FARP1: variants seen among roughly 807,000 people sequenced by gnomAD.
FARP1 encodes FERM, ARH/RhoGEF and pleckstrin domain protein 1.
In FARP1, 52 loss-of-function variants were observed where a neutral mutation model predicts 128.8. The observed-to-expected ratio is 0.40, with a 90% CI of 0.32 to 0.51. The LOEUF is 0.51. Ranked by LOEUF, FARP1 falls within the 20% of genes least tolerant of loss-of-function variation. The probability of loss-of-function intolerance (pLI) is 0.45; values close to 1 mark genes in which losing one functional copy is unlikely to be tolerated. For missense variants in FARP1, 1,333 were observed against 1,367.9 expected (o/e 0.97, Z 0.40); for synonymous variants, 580 against 551.8 (o/e 1.05, Z -0.72).
intron 1 of FARP1, among the ~76,000 whole-genome samples, chr13:98,188,744 C>T (rs56114728): frequency 0.16 from 25,096 of 152,152 alleles, 2,656 homozygotes; most frequent in Non-Finnish European, 0.23. Flanking sequence ...ACACCCCCTG[C>T]ACTCTGAAGG....
intron 2 of FARP1, among the ~76,000 whole-genome samples, chr13:98,277,146 A>ACACACACACACACACACACACACACACC (rs1230875597): frequency 7.1e-6 from 1 of 139,892 alleles, no homozygotes; most frequent in African/African-American, 2.7e-5. Context: ...ACACACACAC[A>ACACACACACACACACACACACACACACC]CACCCCATAT....
chr13:98,262,587 A>G (rs1478486267), intron 2 of FARP1, among the ~76,000 whole-genome samples: 1 of 152,226 alleles, frequency 6.6e-6, no homozygotes, highest in Non-Finnish European at 1.5e-5. Context: ...GAAACTGGTT[A>G]TTCCAGGCAT....
chr13:98,275,452 G>A (rs140741321), intron 2 of FARP1, among the ~76,000 whole-genome samples: 150 of 151,152 alleles, frequency 9.9e-4, no homozygotes, highest in Non-Finnish European at 1.6e-3. Context: ...GTTGAAGTTA[G>A]GTAATGATTT....
intron 2 of FARP1, among the ~76,000 whole-genome samples, chr13:98,306,178 A>G (rs1886146390): frequency 6.6e-6 from 1 of 152,354 alleles, no homozygotes; most frequent in Non-Finnish European, 1.5e-5. Flanking sequence ...TAATAACTGA[A>G]GTTTGCATTG....
intron 2 of FARP1, among the ~76,000 whole-genome samples, chr13:98,246,091 T>C (rs1469191161): frequency 2.3e-5 from 1 of 44,180 alleles, no homozygotes; most frequent in Non-Finnish European, 4.6e-5. Context: ...TAAATTCTTT[T>C]TTTTTTTTTT....
chr13:98,195,252 C>T (rs1879496645), intron 1 of FARP1, among the ~76,000 whole-genome samples: 2 of 152,202 alleles, frequency 1.3e-5, no homozygotes, highest in South Asian at 4.1e-4. Flanking sequence ...CAATTCCACT[C>T]CACTGTCCTT....
Position 98,446,163 on chromosome 13 carries a change from G to T in FARP1, c.2862G>T (p.Val954=), listed in dbSNP as rs141304303. Residue 954 remains valine, a synonymous_variant, in exon 25 of 27, where the codon GTG becomes GTT. Transcript: ENST00000319562. ...GCAACGGGTGGCAGAAGCTGTGGGT[G>T]GTGTTCACAAACTTCTGCCTGTTCT... ...KNSNGWQKLW[V]VFTNFCLFFY... 1 of 1,614,006 alleles carries T rather than the reference G, an allele frequency of 6.2e-7. No homozygotes were observed.
At chr13:98,225,091 A>G (rs1369325409) in intron 2 of FARP1, among the ~76,000 whole-genome samples, 1 of 152,230 alleles carries the variant, frequency 6.6e-6, no homozygotes, top group Non-Finnish European at 1.5e-5. Flanking sequence ...TGCTTTGTGT[A>G]GTAGTCACAG....
chr13:98,249,261 A>G (rs955247140), intron 2 of FARP1, among the ~76,000 whole-genome samples: 1 of 152,130 alleles, frequency 6.6e-6, no homozygotes, highest in Non-Finnish European at 1.5e-5. Context: ...ATCTTTTGTG[A>G]TGCTTTAATT....
intron 18 of FARP1, chr13:98,434,036 C>T (rs1383514641): frequency 6.6e-6 from 1 of 152,362 alleles, no homozygotes; most frequent in East Asian, 1.9e-4. Context: ...CATCCAGTTC[C>T]ACTCTGCTAT....
intron 2 of FARP1, among the ~76,000 whole-genome samples, chr13:98,331,207 G>T (rs1430576057): frequency 6.6e-6 from 1 of 152,182 alleles, no homozygotes; most frequent in Non-Finnish European, 1.5e-5. Context: ...CTTCTAGACT[G>T]TCAGCATTGT....
chr13:98,294,220 G>A (rs531918976), intron 2 of FARP1, among the ~76,000 whole-genome samples: 1 of 152,254 alleles, frequency 6.6e-6, no homozygotes, highest in African/African-American at 2.4e-5. Flanking sequence ...ACAGCTCCGT[G>A]AAATTTAACA....
At chr13:98,205,249 G>A (rs1880195685) in intron 1 of FARP1, among the ~76,000 whole-genome samples, 1 of 152,066 alleles carries the variant, frequency 6.6e-6, no homozygotes, top group Admixed American at 6.6e-5. Flanking sequence ...CATTTATTAT[G>A]CACAAGTATC....
chr13:98,323,387 C>CTTTTTTTTTTTT (rs71792049), intron 2 of FARP1, among the ~76,000 whole-genome samples: 1 of 133,528 alleles, frequency 7.5e-6, no homozygotes. Context: ...ATTCACATGG[C>CTTTTTTTTTTTT]TTTTTTTTTT....
chr13:98,438,914 C>T (rs370421199), intron 20 of FARP1, 42 bp downstream of exon 20: 28 of 1,596,852 alleles, frequency 1.8e-5, no homozygotes, highest in African/African-American at 2.7e-5. Flanking sequence ...GATTGTGTCA[C>T]CTGGGCAAGC....
At chr13:98,304,337 C>T (rs1277205363) in intron 2 of FARP1, among the ~76,000 whole-genome samples, 1 of 152,156 alleles carries the variant, frequency 6.6e-6, no homozygotes, top group Non-Finnish European at 1.5e-5. Flanking sequence ...TTTCATTCAT[C>T]TAAGAACTAG....
upstream of FARP1, chr13:98,143,073 C>T (rs1594190345): frequency 2.0e-5 from 3 of 147,908 alleles, no homozygotes; most frequent in Admixed American, 1.3e-4. Flanking sequence ...GGCCCAGACC[C>T]GGGGAGGGGC....
At position 98,228,532 on chromosome 13, in the gene FARP1, C is replaced by T. The variant is rs111255020; in HGVS notation, c.171+15119C>T. 2.7e-3 allele frequency among the ~76,000 whole-genome samples: 407 copies of T among 151,936 alleles called. 3 individuals carry two copies. The highest frequency in any genetic ancestry group is 9.4e-3 in the African/African-American group (388 of 41,476). On this transcript the variant is annotated intron_variant, in intron 2 of 26. Transcript: ENST00000319562. ...AAATTCAAGTTTCCCTACCATTCAT[C>T]GCATCATTTGGCGGTTATCTATTGT...
intron 11 of FARP1, among the ~76,000 whole-genome samples, chr13:98,393,365 C>G (rs998500159): frequency 2.0e-5 from 3 of 152,226 alleles, no homozygotes; most frequent in African/African-American, 7.2e-5. Context: ...AGGTCCTGCT[C>G]AGTTGCTAAA....
Sources: allele counts gnomAD v4.1 joint callset (sites outside exome capture counted in the v4.1 genomes callset), GRCh38; gene constraint gnomAD v4.1.1; transcripts MANE v1.5; gene names NCBI Gene and HGNC (gene_info 2026-07-23, HGNC 2026-07-21).